Variants in CCNY observed in about 807,000 individuals in gnomAD.
CCNY encodes cyclin Y.
CCNY carries 19 observed loss-of-function variants against 42.8 expected under a neutral mutation model. The ratio of observed to expected loss-of-function variants is 0.44; its 90% CI spans 0.31 to 0.65. The LOEUF (loss-of-function observed/expected upper bound fraction) is 0.65, where lower values mean the gene tolerates loss of function less well. CCNY is among the 30% of genes least tolerant of loss of function. The probability of loss-of-function intolerance (pLI) is 0.07; values close to 1 mark genes in which losing one functional copy is unlikely to be tolerated. For missense variants in CCNY, 370 were observed against 437.3 expected (o/e 0.85, Z 1.37); for synonymous variants, 165 against 162.7 (o/e 1.01, Z -0.11).
intron 3 of CCNY, among the ~76,000 whole-genome samples, chr10:35,254,167 G>A (rs1030815968): frequency 3.3e-5 from 5 of 152,126 alleles, no homozygotes; most frequent in African/African-American, 9.7e-5. Context: ...ATGAGCCACC[G>A]CGCCCGGCCT....
intron 1 of CCNY, among the ~76,000 whole-genome samples, chr10:35,408,750 A>G (rs561216421): frequency 6.6e-6 from 1 of 152,276 alleles, no homozygotes; most frequent in South Asian, 2.1e-4. Context: ...CAGAGGCCTG[A>G]CAGTAATATG....
intron 8 of CCNY, among the ~76,000 whole-genome samples, chr10:35,560,943 T>G (rs1164555223): frequency 6.6e-6 from 1 of 152,094 alleles, no homozygotes; most frequent in Non-Finnish European, 1.5e-5. Flanking sequence ...CACTGGAAGC[T>G]GGGGGCCCTG....
intron 1 of CCNY, among the ~76,000 whole-genome samples, chr10:35,475,977 G>A (rs867514017): frequency 0.019 from 2,931 of 152,180 alleles, 79 homozygotes; most frequent in African/African-American, 0.066. Context: ...AAAAAAGGCA[G>A]GGGTTGCAAT....
intron 1 of CCNY, among the ~76,000 whole-genome samples, chr10:35,437,365 G>C (rs10740911): frequency 1.3e-5 from 2 of 152,030 alleles, no homozygotes; most frequent in Admixed American, 1.3e-4. Context: ...AGAACACTTT[G>C]CAATAAATTA....
intron 3 of CCNY, among the ~76,000 whole-genome samples, chr10:35,297,207 G>A (rs1212888062): frequency 2.0e-5 from 3 of 151,480 alleles, no homozygotes; most frequent in Admixed American, 6.6e-5. Context: ...TTCAACACAC[G>A]GAAATCAATA....
chr10:35,249,808 G>T (rs1027387162), intron 2 of CCNY, among the ~76,000 whole-genome samples: 1 of 152,288 alleles, frequency 6.6e-6, no homozygotes, highest in Middle Eastern at 3.4e-3. Flanking sequence ...CCAGCACTTT[G>T]GGAGACTGAG....
intron 3 of CCNY, among the ~76,000 whole-genome samples, chr10:35,319,651 GAA>G (rs1409814851): frequency 6.6e-6 from 1 of 152,112 alleles, no homozygotes; most frequent in Non-Finnish European, 1.5e-5. Flanking sequence ...CGAGGTGGGT[GAA>G]TTACGAGGTC....
chr10:35,501,659 G>C, intron 3 of CCNY, 124 bp downstream of exon 3: 1 of 835,578 alleles, frequency 1.2e-6, no homozygotes, highest in East Asian at 2.5e-5. Flanking sequence ...ATGTTGCAGT[G>C]TACTTATGCT....
intron 4 of CCNY, among the ~76,000 whole-genome samples, chr10:35,522,776 C>T (rs926235785): frequency 3.9e-5 from 6 of 152,186 alleles, no homozygotes; most frequent in Admixed American, 3.9e-4. Flanking sequence ...AAATGTTAGC[C>T]CCAAAAGACT....
At chr10:35,473,465 G>T (rs966671388) in intron 1 of CCNY, among the ~76,000 whole-genome samples, 6 of 152,162 alleles carry the variant, frequency 3.9e-5, no homozygotes, top group African/African-American at 1.4e-4. Context: ...CAGGTGGGAA[G>T]AGTCAGAGCT....
At chr10:35,541,533 A>C (rs993752640) in intron 7 of CCNY, among the ~76,000 whole-genome samples, 3 of 152,140 alleles carry the variant, frequency 2.0e-5, no homozygotes, top group African/African-American at 7.2e-5. Flanking sequence ...GAGTAACTGG[A>C]ACTACAGCTG....
At chr10:35,305,273 C>T (rs1227302736) in intron 3 of CCNY, among the ~76,000 whole-genome samples, 1 of 152,152 alleles carries the variant, frequency 6.6e-6, no homozygotes, top group African/African-American at 2.4e-5. Flanking sequence ...AAATTTCCTA[C>T]AGTTAATGCT....
At chr10:35,448,174 C>T (rs1838833566) in intron 1 of CCNY, among the ~76,000 whole-genome samples, 1 of 152,148 alleles carries the variant, frequency 6.6e-6, no homozygotes, top group Non-Finnish European at 1.5e-5. Context: ...ACAGGTGGCT[C>T]AGTGTGATTG....
chr10:35,304,303 T>A (rs575742514), intron 3 of CCNY, among the ~76,000 whole-genome samples: 5,244 of 109,022 alleles, frequency 0.048, 1,878 homozygotes, highest in African/African-American at 0.23. Flanking sequence ...TATTTTTTTT[T>A]TTTTTTTATT....
At chr10:35,565,697 T>C (rs946002323) in intron 8 of CCNY, among the ~76,000 whole-genome samples, 3 of 152,354 alleles carry the variant, frequency 2.0e-5, no homozygotes, top group African/African-American at 4.8e-5. Flanking sequence ...TCTTGGCTGC[T>C]GCATCCACCC....
rs1841640923 is a variant in CCNY, at chr10:35,569,392, C to T, written c.*222C>T. 3 of 550,362 alleles carry T rather than the reference C, an allele frequency of 5.5e-6. No homozygotes were observed. Among genetic ancestry groups the T allele is most frequent in the Admixed American group, 6.1e-5 (2 of 32,572 alleles). The allele number at this position is 550,362 out of a possible 1,614,324, so 34.1% of individuals were successfully genotyped here. ...CTCCCCACTGTCAGCAACAGCACTT[C>T]CTTCGTGGAGGAAGTGGACTCGAAT... On this transcript the variant is annotated 3_prime_UTR_variant, in exon 10 of 10. Transcript: ENST00000374704.
At chr10:35,491,015 C>T (rs1839884265) in intron 2 of CCNY, among the ~76,000 whole-genome samples, 1 of 152,202 alleles carries the variant, frequency 6.6e-6, no homozygotes, top group East Asian at 1.9e-4. Context: ...TACTACCTCA[C>T]CTGTCTTTCC....
intron 1 of CCNY, among the ~76,000 whole-genome samples, chr10:35,380,802 A>G (rs1347631355): frequency 2.0e-5 from 3 of 152,208 alleles, no homozygotes; most frequent in Non-Finnish European, 4.4e-5. Context: ...GAGAAGTTTT[A>G]AAGTTTGCCT....
chr10:35,565,135 A>G (rs985700611), intron 8 of CCNY, among the ~76,000 whole-genome samples: 4 of 152,214 alleles, frequency 2.6e-5, no homozygotes, highest in African/African-American at 9.7e-5. Context: ...CTAATTTGAA[A>G]GATAGCTGAC....
Sources: gnomAD v4.1 joint callset for allele counts (sites outside exome capture counted in the v4.1 genomes callset) on GRCh38, gnomAD v4.1.1 for gene constraint, MANE v1.5 for transcripts, NCBI Gene and HGNC (gene_info 2026-07-23, HGNC 2026-07-21) for gene names.